Variants in MAML3 observed in about 807,000 individuals in gnomAD.
MAML3 encodes mastermind-like protein 3.
A neutral mutation model predicts 101.9 loss-of-function variants in MAML3; 27 were observed. That is an observed-to-expected ratio of 0.27 (90% CI 0.20 to 0.37). MAML3 has a LOEUF of 0.37. Ranked by LOEUF, MAML3 falls within the 10% of genes least tolerant of loss-of-function variation. The pLI, the probability that MAML3 is intolerant of heterozygous loss-of-function variation, is 1.00. For synonymous variants in MAML3, 501 were observed against 555.9 expected (o/e 0.90, Z 1.39); for missense variants, 1,316 against 1,444.9 (o/e 0.91, Z 1.45).
At chr4:139,795,957 T>A (rs970171030) in intron 2 of MAML3, among the ~76,000 whole-genome samples, 1 of 152,366 alleles carries the variant, frequency 6.6e-6, no homozygotes, top group South Asian at 2.1e-4. Flanking sequence ...AGTGTGACTG[T>A]ATCTTCTTTA....
At chr4:140,000,922 G>A (rs752422650) in intron 1 of MAML3, among the ~76,000 whole-genome samples, 3 of 36,646 alleles carry the variant, frequency 8.2e-5, no homozygotes, top group Non-Finnish European at 1.6e-4. Context: ...AGCTACTTGG[G>A]AAGGCTGAGG....
chr4:139,753,500 T>G (rs1729570704), intron 2 of MAML3, among the ~76,000 whole-genome samples: 1 of 152,000 alleles, frequency 6.6e-6, no homozygotes, highest in Non-Finnish European at 1.5e-5. Context: ...TAAAGATGAG[T>G]TTCAGAGGCT....
At chr4:140,026,647 C>A (rs1376198812) in intron 1 of MAML3, among the ~76,000 whole-genome samples, 1 of 152,236 alleles carries the variant, frequency 6.6e-6, no homozygotes, top group African/African-American at 2.4e-5. Context: ...TATTTTCTAG[C>A]CTCCTCTTTC....
chr4:140,022,913 T>A (rs1003441693), intron 1 of MAML3, among the ~76,000 whole-genome samples: 1 of 152,200 alleles, frequency 6.6e-6, no homozygotes, highest in Non-Finnish European at 1.5e-5. Flanking sequence ...GTTCTTATGT[T>A]GTATACTCTA....
chr4:140,067,399 T>C (rs1412226517), intron 1 of MAML3, among the ~76,000 whole-genome samples: 2 of 152,212 alleles, frequency 1.3e-5, no homozygotes, highest in East Asian at 1.9e-4. Context: ...GTGCTTGGGA[T>C]AGCCAACAAG....
chr4:140,022,914 G>T (rs1387831690), intron 1 of MAML3, among the ~76,000 whole-genome samples: 1 of 152,062 alleles, frequency 6.6e-6, no homozygotes, highest in African/African-American at 2.4e-5. Flanking sequence ...TTCTTATGTT[G>T]TATACTCTAT....
chr4:139,751,688 T>C (rs1327397857), intron 2 of MAML3, among the ~76,000 whole-genome samples: 1 of 152,018 alleles, frequency 6.6e-6, no homozygotes. Flanking sequence ...CACAGATGGG[T>C]GGGTTTGATG....
At chr4:139,838,497 G>C (rs997454312) in intron 2 of MAML3, among the ~76,000 whole-genome samples, 1 of 152,034 alleles carries the variant, frequency 6.6e-6, no homozygotes, top group Non-Finnish European at 1.5e-5. Context: ...GCTTTGTTTA[G>C]TTTGAGGAAA....
At chr4:139,839,141 G>A (rs1464748480) in intron 2 of MAML3, among the ~76,000 whole-genome samples, 1 of 152,096 alleles carries the variant, frequency 6.6e-6, no homozygotes, top group Non-Finnish European at 1.5e-5. Context: ...CATCAAGAAC[G>A]CGCTGGCATC....
intron 1 of MAML3, among the ~76,000 whole-genome samples, chr4:140,039,102 G>C (rs939465601): frequency 7.2e-5 from 11 of 152,044 alleles, no homozygotes; most frequent in African/African-American, 2.7e-4. Flanking sequence ...CAGCCTGAGA[G>C]ACAGAGCAAG....
At chr4:140,005,841 T>A (rs775959998) in intron 1 of MAML3, among the ~76,000 whole-genome samples, 1 of 152,250 alleles carries the variant, frequency 6.6e-6, no homozygotes, top group Non-Finnish European at 1.5e-5. Flanking sequence ...ATTGTTTTAA[T>A]ACACTGCAAG....
At chr4:139,857,807 C>T (rs1286275855) in intron 2 of MAML3, among the ~76,000 whole-genome samples, 1 of 152,292 alleles carries the variant, frequency 6.6e-6, no homozygotes, top group East Asian at 1.9e-4. Context: ...CTACTGGAGT[C>T]TTCCCTACTT....
chr4:140,007,792 G>C (rs1033098518), intron 1 of MAML3, among the ~76,000 whole-genome samples: 1 of 152,124 alleles, frequency 6.6e-6, no homozygotes, highest in African/African-American at 2.4e-5. Flanking sequence ...ACACCATCCT[G>C]AAGAAGCCAC....
intron 2 of MAML3, among the ~76,000 whole-genome samples, chr4:139,873,465 C>T (rs1287156742): frequency 6.6e-6 from 1 of 152,160 alleles, no homozygotes; most frequent in Non-Finnish European, 1.5e-5. Flanking sequence ...CTTGACACTC[C>T]CTTCAGAAGG....
chr4:139,944,232 GGTTA>G (rs1243218469), intron 1 of MAML3, among the ~76,000 whole-genome samples: 6 of 151,936 alleles, frequency 3.9e-5, no homozygotes, highest in African/African-American at 1.5e-4. Context: ...ACATTGTGCA[GGTTA>G]GTTACATATG....
chr4:140,135,765 G>T (rs890946718), intron 1 of MAML3, among the ~76,000 whole-genome samples: 1 of 152,204 alleles, frequency 6.6e-6, no homozygotes, highest in Non-Finnish European at 1.5e-5. Flanking sequence ...CTGCAACAGT[G>T]GGGCCTGTCT....
intron 1 of MAML3, among the ~76,000 whole-genome samples, chr4:139,935,768 T>C (rs1430495482): frequency 6.6e-6 from 1 of 152,146 alleles, no homozygotes; most frequent in African/African-American, 2.4e-5. Context: ...CATATAAAAA[T>C]TGTATACATT....
intron 2 of MAML3, chr4:139,888,463 T>C: frequency 2.0e-6 from 1 of 506,286 alleles, no homozygotes; most frequent in South Asian, 1.4e-5. Context: ...GGGGAGTCGC[T>C]TTAATGGGCA....
At chr4:140,034,048 C>T (rs1267743521) in intron 1 of MAML3, among the ~76,000 whole-genome samples, 1 of 152,138 alleles carries the variant, frequency 6.6e-6, no homozygotes, top group African/African-American at 2.4e-5. Flanking sequence ...ATAATAACAA[C>T]AACAACAGCA....
Sources: gnomAD v4.1 joint callset for allele counts (sites outside exome capture counted in the v4.1 genomes callset) on GRCh38, gnomAD v4.1.1 for gene constraint, MANE v1.5 for transcripts, NCBI Gene and HGNC (gene_info 2026-07-23, HGNC 2026-07-21) for gene names.